MED12L: variants seen among roughly 807,000 people sequenced by gnomAD.
The protein encoded by MED12L is mediator of RNA polymerase II transcription subunit 12-like protein.
A neutral mutation model predicts 281.3 loss-of-function variants in MED12L; 60 were observed. The ratio of observed to expected loss-of-function variants is 0.21; its 90% CI spans 0.17 to 0.26. MED12L has a LOEUF of 0.26. MED12L is among the 10% of genes least tolerant of loss of function. MED12L has a pLI of 1.00. For synonymous variants in MED12L, 974 were observed against 987.2 expected (o/e 0.99, Z 0.25); for missense variants, 2,146 against 2,680.9 (o/e 0.80, Z 4.41).
intron 5 of MED12L, among the ~76,000 whole-genome samples, chr3:151,150,501 T>A (rs1718311823): frequency 6.6e-6 from 1 of 152,316 alleles, no homozygotes; most frequent in African/African-American, 2.4e-5. Context: ...TCTTAAAGGC[T>A]ATAGGCTTTT....
At chr3:151,397,548 T>C (rs2108273998) in intron 39 of MED12L, among the ~76,000 whole-genome samples, 1 of 152,306 alleles carries the variant, frequency 6.6e-6, no homozygotes. Flanking sequence ...GCAAATATGG[T>C]CTTATGGCAG....
At chr3:151,269,027 A>G (rs1332534427) in intron 16 of MED12L, among the ~76,000 whole-genome samples, 2 of 152,194 alleles carry the variant, frequency 1.3e-5, no homozygotes, top group East Asian at 3.8e-4. Context: ...TCCTGCTCTG[A>G]GACCGGAGGA....
chr3:151,166,500 G>GA lies in MED12L; in HGVS notation c.1494+521dup, dbSNP rs576811971. Among the ~76,000 whole-genome samples the GA allele has an allele frequency of 3.6e-4, 55 of 152,124 alleles. No individual in the cohort carries two copies. In the East Asian group the frequency reaches 9.8e-3, roughly 27 times the overall value. On this transcript the variant is annotated intron_variant, in intron 11 of 44. Transcript: ENST00000687756. ...ATATGTTTATATCTACCTAGAGAGA[G>GA]AAAGGGGGGGAGAAAAGAGAGGGGT... is the stretch of plus-strand genomic sequence containing the variant.
intron 38 of MED12L, among the ~76,000 whole-genome samples, chr3:151,393,611 G>A (rs956275873): frequency 1.3e-5 from 2 of 151,908 alleles, no homozygotes; most frequent in East Asian, 3.9e-4. Context: ...CTCCTAGGGA[G>A]GTATATAGCC....
intron 2 of MED12L, among the ~76,000 whole-genome samples, chr3:151,089,007 T>C (rs1287292110): frequency 1.3e-5 from 2 of 152,148 alleles, no homozygotes; most frequent in Non-Finnish European, 2.9e-5. Flanking sequence ...TCTTGGGTGG[T>C]TGGTGAGTAG....
At chr3:151,286,813 A>G (rs1050891531) in intron 16 of MED12L, among the ~76,000 whole-genome samples, 26 of 152,248 alleles carry the variant, frequency 1.7e-4, no homozygotes, top group Non-Finnish European at 3.4e-4. Context: ...GGTTTTGACA[A>G]TAAATTACAT....
intron 16 of MED12L, among the ~76,000 whole-genome samples, chr3:151,215,453 CTTAAAT>C (rs892313239): frequency 7.9e-5 from 12 of 152,222 alleles, no homozygotes; most frequent in African/African-American, 2.9e-4. Context: ...TATTATTACT[CTTAAAT>C]TTAACTTAAT....
intron 16 of MED12L, among the ~76,000 whole-genome samples, chr3:151,201,211 C>G (rs545130937): frequency 1.2e-4 from 18 of 150,272 alleles, no homozygotes; most frequent in Admixed American, 6.6e-4. Flanking sequence ...ATGCATACAA[C>G]CACGTGCACA....
chr3:151,365,763 G>A, intron 22 of MED12L, 87 bp from the exon 23 acceptor site: 2 of 1,194,800 alleles, frequency 1.7e-6, no homozygotes, highest in Non-Finnish European at 2.3e-6. Flanking sequence ...TTTGATGTTA[G>A]TGAAATATAT....
intron 16 of MED12L, among the ~76,000 whole-genome samples, chr3:151,238,235 CTCCCAGGT>C (rs1733339385): frequency 6.6e-6 from 1 of 152,174 alleles, no homozygotes; most frequent in Non-Finnish European, 1.5e-5. Context: ...CATCCTCCGC[CTCCCAGGT>C]TCAAGCAATT....
At chr3:151,118,916 A>G (rs1713300616) in intron 3 of MED12L, among the ~76,000 whole-genome samples, 2 of 152,018 alleles carry the variant, frequency 1.3e-5, no homozygotes, top group Non-Finnish European at 2.9e-5. Flanking sequence ...CGGACTCCTC[A>G]CCTTAAGTAA....
In MED12L at chr3:151,322,826, A is replaced by T. The variant is rs189535729; in HGVS notation, c.2251-27233A>T. Among the ~76,000 whole-genome samples, 3 of 152,194 alleles carry T rather than the reference A, an allele frequency of 2.0e-5. No homozygotes were observed. The East Asian group carries it at 5.8e-4, about 29-fold the overall frequency. On this transcript the variant is annotated intron_variant, in intron 16 of 44. Transcript: ENST00000687756. ...TCTGTTGTGACCATGAGACCTGTGT[A>T]GTATGGCCTCTGGGGTTCTCATCTC...
intron 12 of MED12L, among the ~76,000 whole-genome samples, chr3:151,187,596 CAA>C (rs1297452139): frequency 6.6e-6 from 1 of 152,014 alleles, no homozygotes; most frequent in Non-Finnish European, 1.5e-5. Context: ...AGGAATATAA[CAA>C]AGAATAGAAA....
intron 16 of MED12L, among the ~76,000 whole-genome samples, chr3:151,242,078 C>T (rs555894446): frequency 4.6e-5 from 7 of 152,166 alleles, no homozygotes; most frequent in South Asian, 4.2e-4. Flanking sequence ...GCTTAAAAAA[C>T]GGGGCACCAC....
chr3:151,372,688 C>G lies in MED12L; in HGVS notation c.3786C>G (p.Ser1262=). Residue 1262 remains serine, a synonymous_variant, in exon 27 of 45, where the codon TCC becomes TCG. Coordinates refer to ENST00000687756, the MANE Select transcript of MED12L (RefSeq NM_001393769.1). The part of the protein sequence containing the change: ...DIWTASQNPK[S]CGKSISIETA... ...GGACTGCCTCACAAAATCCAAAATC[C>G]TGTGGGAAAAGCATTTCCATAGAAA... 1.2e-6 allele frequency: 2 copies of G among 1,613,922 alleles called. No individual in the cohort carries two copies. Among genetic ancestry groups the G allele is most frequent in the South Asian group, 2.2e-5 (2 of 91,084 alleles).
At chr3:151,261,986 C>CA (rs1739012330) in intron 16 of MED12L, among the ~76,000 whole-genome samples, 1 of 152,140 alleles carries the variant, frequency 6.6e-6, no homozygotes. Context: ...CTCGGCCTCC[C>CA]AGTGTGCTAA....
At chr3:151,305,679 A>G (rs917303908) in intron 16 of MED12L, among the ~76,000 whole-genome samples, 9 of 151,982 alleles carry the variant, frequency 5.9e-5, no homozygotes, top group African/African-American at 2.2e-4. Context: ...TTGCAGTTCT[A>G]TTATACTGTT....
chr3:151,348,992 G>A (rs1752908691), intron 16 of MED12L, among the ~76,000 whole-genome samples: 1 of 152,206 alleles, frequency 6.6e-6, no homozygotes, highest in South Asian at 2.1e-4. Context: ...GGATAAGATG[G>A]ATGCTGTTGG....
chr3:151,278,598 TCC>T (rs1742290587), intron 16 of MED12L: 1 of 152,216 alleles, frequency 6.6e-6, no homozygotes, highest in Non-Finnish European at 1.5e-5. Context: ...TTATTTCTCC[TCC>T]TACTTTTCCC....
Sources: allele counts gnomAD v4.1 joint callset (sites outside exome capture counted in the v4.1 genomes callset), GRCh38; gene constraint gnomAD v4.1.1; transcripts MANE v1.5; gene names NCBI Gene and HGNC (gene_info 2026-07-23, HGNC 2026-07-21).